Variants in COL22A1 observed in about 807,000 individuals in gnomAD.
The protein encoded by COL22A1 is collagen type XXII alpha 1 chain, also known as collagen alpha-1(XXII) chain.
COL22A1 carries 221 observed loss-of-function variants against 248.9 expected under a neutral mutation model. The ratio of observed to expected loss-of-function variants is 0.89; its 90% CI spans 0.80 to 0.99. The LOEUF is 0.99. COL22A1 is among the 50% of genes least tolerant of loss of function. The pLI, the probability that COL22A1 is intolerant of heterozygous loss-of-function variation, is 0.00. For synonymous variants in COL22A1, 891 were observed against 793.4 expected, an observed-to-expected ratio of 1.12 and a Z score of -2.07; for missense variants, 2,240 against 2,179.0, an observed-to-expected ratio of 1.03 and a Z score of -0.56.
intron 23 of COL22A1, among the ~76,000 whole-genome samples, chr8:138,736,518 C>T (rs1316056269): frequency 1.3e-5 from 2 of 152,006 alleles, no homozygotes; most frequent in Non-Finnish European, 2.9e-5. Context: ...TGAGTGAAGC[C>T]CTCTGCGCCT....
In COL22A1 at chr8:138,623,830, AG is replaced by A. The variant is rs752101142; in HGVS notation, c.3718-46del. ...TGGTTATCAGGTCAAAGAAGATTCG[AG>A]GGGATGGAAAGACGAAGGCAGTTTC... On this transcript the variant is annotated intron_variant, in intron 51 of 64. Transcript: ENST00000303045. 8 of 1,562,712 alleles carry A rather than the reference AG, an allele frequency of 5.1e-6. No individual in the cohort carries two copies. In the African/African-American group the frequency reaches 5.5e-5, roughly 11 times the overall value.
In COL22A1 at chr8:138,690,427, G is replaced by A. The variant is rs535710198; in HGVS notation, c.2808+394C>T. Among the ~76,000 whole-genome samples the A allele has an allele frequency of 1.3e-4, 20 of 152,314 alleles. No homozygotes were observed. In the South Asian group the frequency reaches 4.1e-3, roughly 32 times the overall value. On this transcript the variant is annotated intron_variant, in intron 36 of 64. Coordinates refer to ENST00000303045, the MANE Select transcript of COL22A1 (RefSeq NM_152888.3). ...GCAGATGAACTAGCCGAGACCTCAA[G>A]GAGGGGCTTGCCAAGATGGTCATGT...
chr8:138,628,959 G>A (rs185218851), intron 50 of COL22A1, among the ~76,000 whole-genome samples: 6 of 151,948 alleles, frequency 3.9e-5, no homozygotes, highest in African/African-American at 9.7e-5. Flanking sequence ...TAGAGACAGC[G>A]TTTCACAGCC....
Position 138,821,338 on chromosome 8 carries a change from C to G in COL22A1, c.1043G>C (p.Arg348Thr). 1 of 1,614,210 alleles carries G rather than the reference C, an allele frequency of 6.2e-7. No individual in the cohort carries two copies. Among genetic ancestry groups the G allele is most frequent in the Non-Finnish European group, 8.5e-7 (1 of 1,180,036 alleles). The change falls in exon 7 of 65, where the codon AGG becomes ACG. Residue 348 changes from arginine (R) to threonine (T), a missense_variant. Physicochemically the swap from Arg to Thr is moderately conservative, Grantham distance 71. Transcript: ENST00000303045. ...GACCCGAGAACCTCGGAAGACCACCCTGACAGCATCTTTCATGGCACCCAC... is the reference window on the plus strand; with the variant it reads ...GACCCGAGAACCTCGGAAGACCACCGTGACAGCATCTTTCATGGCACCCAC... The part of the protein sequence containing the change: ...NAVGAMKDAV[R>T]VVFRGSRVND...
chr8:138,753,812 T>C (rs538509017), intron 21 of COL22A1, among the ~76,000 whole-genome samples: 8 of 152,202 alleles, frequency 5.3e-5, no homozygotes, highest in Non-Finnish European at 8.8e-5. Context: ...GGACTACCCA[T>C]ATATTTTCAT....
intron 9 of COL22A1, among the ~76,000 whole-genome samples, chr8:138,810,238 T>C (rs1480501176): frequency 6.6e-6 from 1 of 152,110 alleles, no homozygotes; most frequent in Non-Finnish European, 1.5e-5. Flanking sequence ...TGGGATGTCT[T>C]GGAAGAAGAG....
chr8:138,795,530 C>T (rs1816435084), intron 12 of COL22A1, among the ~76,000 whole-genome samples: 1 of 147,752 alleles, frequency 6.8e-6, no homozygotes, highest in Non-Finnish European at 1.5e-5. Context: ...CTCTTTCAGA[C>T]ACACACACAC....
At chr8:138,724,539 T>A in intron 25 of COL22A1, 76 bp downstream of exon 25, 1 of 1,448,310 alleles carries the variant, frequency 6.9e-7, no homozygotes, top group Non-Finnish European at 9.6e-7. Context: ...CTGGGCCAGC[T>A]GCAAGGGCTC....
At chr8:138,600,458 C>T (rs1443622059) in intron 60 of COL22A1, among the ~76,000 whole-genome samples, 8 of 152,120 alleles carry the variant, frequency 5.3e-5, no homozygotes, top group East Asian at 1.9e-4. Context: ...CAATAGATAA[C>T]GTCTGACATG....
Position 138,716,851 on chromosome 8 carries a change from C to A in COL22A1, c.2374G>T (p.Gly792Cys), listed in dbSNP as rs1264110558. The change falls in exon 28 of 65, where the codon GGC becomes TGC. Residue 792 changes from glycine (G) to cysteine (C), a missense_variant. Coordinates refer to ENST00000303045, the MANE Select transcript of COL22A1 (RefSeq NM_152888.3). ...PGLRGEIGEQ[G>C]LAGRPGEKGE... ...TTCTCTCCAGGTCGGCCTGCCAGGC[C>A]CTGCTCCCCAATTTCTCCCTGAAAA... 3 of 1,612,296 alleles carry A rather than the reference C, an allele frequency of 1.9e-6. No homozygotes were observed. Among genetic ancestry groups the A allele is most frequent in the African/African-American group, 1.3e-5 (1 of 74,876 alleles).
chr8:138,673,424 G>A (rs557020240), intron 41 of COL22A1, among the ~76,000 whole-genome samples: 1 of 152,172 alleles, frequency 6.6e-6, no homozygotes, highest in South Asian at 2.1e-4. Flanking sequence ...TGCCAGGCTG[G>A]TTTCAAACTC....
At chr8:138,773,626 G>A (rs1346698053) in intron 16 of COL22A1, among the ~76,000 whole-genome samples, 7 of 152,264 alleles carry the variant, frequency 4.6e-5, no homozygotes, top group Non-Finnish European at 7.3e-5. Flanking sequence ...AGCTGACTAC[G>A]TAAATATCCG....
rs1478413292 is a variant in COL22A1, at chr8:138,694,533, C to A, written c.2675G>T (p.Gly892Val). The A allele has an allele frequency of 6.2e-6, 10 of 1,614,058 alleles. No homozygotes were observed. The highest frequency in any genetic ancestry group is 8.5e-6 in the Non-Finnish European group (10 of 1,179,990). The change falls in exon 34 of 65, where the codon GGG becomes GTG. Residue 892 changes from glycine to valine, a missense_variant. Physicochemically the swap from Gly to Val is moderately radical, Grantham distance 109. Transcript: ENST00000303045. ...CGGTGGTCCAGTGGGTCCCTGAGGC[C>A]CCAATTCTCCAGGACGGCCCTGCAG... ...PGLQGRPGEL[G>V]PQGPTGPPGA...
chr8:138,895,559 C>T (rs887037195), intron 1 of COL22A1, among the ~76,000 whole-genome samples: 1 of 151,930 alleles, frequency 6.6e-6, no homozygotes, highest in African/African-American at 2.4e-5. Context: ...GGAAATGAGA[C>T]AACTGACTAA....
chr8:138,611,929 C>G (rs1172597601), intron 56 of COL22A1, among the ~76,000 whole-genome samples: 1 of 152,230 alleles, frequency 6.6e-6, no homozygotes, highest in Non-Finnish European at 1.5e-5. Flanking sequence ...CAACCTAAAG[C>G]TCTTACAAGC....
In COL22A1 at chr8:138,717,897, G is replaced by A. The variant is rs537178000; in HGVS notation, c.2356-1028C>T. Among the ~76,000 whole-genome samples the A allele has an allele frequency of 2.5e-4, 38 of 152,322 alleles. No individual in the cohort carries two copies. The South Asian group carries it at 7.5e-3, about 30-fold the overall frequency. On this transcript the variant is annotated intron_variant, in intron 27 of 64. Coordinates refer to ENST00000303045, the MANE Select transcript of COL22A1 (RefSeq NM_152888.3). ...TCTTTATCCAACCATGTGTCTTTAA[G>A]ATAACTAGCTTCTTGAATGACAATG...
intron 9 of COL22A1, among the ~76,000 whole-genome samples, chr8:138,809,144 C>T (rs951592731): frequency 5.3e-5 from 8 of 152,118 alleles, no homozygotes; most frequent in East Asian, 1.9e-4. Context: ...GAAGTTCTTC[C>T]GCTCCACGGG....
Position 138,765,059 on chromosome 8 carries a change from C to T in COL22A1, c.1804-2593G>A, listed in dbSNP as rs1833801695. Among the ~76,000 whole-genome samples, 4 of 152,210 alleles carry T rather than the reference C, an allele frequency of 2.6e-5. No individual in the cohort carries two copies. In the South Asian group the frequency reaches 8.3e-4, roughly 32 times the overall value. On this transcript the variant is annotated intron_variant, in intron 16 of 64. Transcript: ENST00000303045. ...GGGTTTCGTCTCTGCCAAGTGATTC[C>T]ACATCTATCACTATATCCTCTCCTC...
chr8:138,663,708 G>C lies in COL22A1; in HGVS notation c.3183C>G (p.Ser1061=). The C allele has an allele frequency of 2.5e-6, 4 of 1,608,794 alleles. No individual in the cohort carries two copies. The highest frequency in any genetic ancestry group is 3.4e-6 in the Non-Finnish European group (4 of 1,175,246). ...GPSGPPGDKG[S]PGSRGLPGFP... is the part of the protein sequence containing the mutation. ...CTTTATTTAAAGCATACTGTACCGG[G>C]GATCCTTTGTCTCCTGGTGGTCCGG... The change falls in exon 42 of 65, where the codon TCC becomes TCG. Residue 1061 remains serine, a synonymous_variant. Transcript: ENST00000303045.
Sources: gnomAD v4.1 joint callset for allele counts (sites outside exome capture counted in the v4.1 genomes callset) on GRCh38, gnomAD v4.1.1 for gene constraint, MANE v1.5 for transcripts, NCBI Gene and HGNC (gene_info 2026-07-23, HGNC 2026-07-21) for gene names.